Variants in IPO7 observed in about 807,000 individuals in gnomAD.
The protein encoded by IPO7 is importin 7.
In IPO7, 13 loss-of-function variants were observed where a neutral mutation model predicts 136.4. The observed-to-expected ratio is 0.10, with a 90% CI of 0.06 to 0.15. The LOEUF is 0.15. Among genes scored for constraint, IPO7 ranks in the 10% least tolerant of loss-of-function variants. The pLI, the probability that IPO7 is intolerant of heterozygous loss-of-function variation, is 1.00. For synonymous variants in IPO7, 403 were observed against 404.4 expected (o/e 1.00, Z 0.04); for missense variants, 857 against 1,240.6 (o/e 0.69, Z 4.65).
intron 1 of IPO7, among the ~76,000 whole-genome samples, chr11:9,396,466 A>G (rs539096850): frequency 6.6e-6 from 1 of 152,350 alleles, no homozygotes; most frequent in Admixed American, 6.5e-5. Flanking sequence ...CATTTAAAGT[A>G]TGCAATACAG....
intron 16 of IPO7, 55 bp downstream of exon 16, chr11:9,431,058 G>A: frequency 2.8e-6 from 4 of 1,442,994 alleles, no homozygotes; most frequent in Non-Finnish European, 3.9e-6. Flanking sequence ...CTTTTTAGAG[G>A]GCTCTAATAT....
At chr11:9,401,135 T>G (rs1225228510) in intron 1 of IPO7, among the ~76,000 whole-genome samples, 1 of 151,246 alleles carries the variant, frequency 6.6e-6, no homozygotes, top group Non-Finnish European at 1.5e-5. Context: ...GAGCCAAGAT[T>G]GCACCATTGC....
chr11:9,445,110 T>C lies in IPO7; in HGVS notation c.3033T>C (p.Ile1011=). 4 of 1,609,866 alleles carry C rather than the reference T, an allele frequency of 2.5e-6. No homozygotes were observed. The highest frequency in any genetic ancestry group is 3.4e-6 in the Non-Finnish European group (4 of 1,176,208). The part of the protein sequence containing the change: ...QRRAAHESKM[I]EKHGGYKFSA... Reference sequence around the variant, plus strand: ...TTTGTTTTCTAGAATCCAAAATGATTGAGAAGCATGGAGGATACAAATTCA... The same window carrying C: ...TTTGTTTTCTAGAATCCAAAATGATCGAGAAGCATGGAGGATACAAATTCA... Residue 1011 remains isoleucine, a synonymous_variant, in exon 25 of 25, where the codon ATT becomes ATC. Coordinates refer to ENST00000379719, the MANE Select transcript of IPO7 (RefSeq NM_006391.3).
At chr11:9,403,529 T>C (rs1854831179) in intron 2 of IPO7, 158 bp downstream of exon 2, 16 of 570,150 alleles carry the variant, frequency 2.8e-5, no homozygotes, top group South Asian at 2.4e-4. Flanking sequence ...TACCTTGATA[T>C]CTGGTGGCAG....
chr11:9,422,222 T>C (rs947832348), intron 8 of IPO7, among the ~76,000 whole-genome samples: 1 of 152,008 alleles, frequency 6.6e-6, no homozygotes, highest in Admixed American at 6.6e-5. Context: ...GAGTTTGCGG[T>C]GGGCCGAGAT....
At position 9,445,722 on chromosome 11, in the gene IPO7, T is replaced by C. The variant is rs1855518720; in HGVS notation, c.*528T>C. 6.6e-6 allele frequency: 1 copy of C among 152,644 alleles called. No homozygotes were observed. Among genetic ancestry groups the C allele is most frequent in the African/African-American group, 2.4e-5 (1 of 41,458 alleles). 9.5% of individuals were successfully genotyped at this position (152,644 alleles called of 1,614,324 possible). ...CCTTATTCAGTCTTCATCATTTTCA[T>C]CATTGTTCCTATGTAGATTATTGGA... On this transcript the variant is annotated 3_prime_UTR_variant, in exon 25 of 25. Transcript: ENST00000379719.
chr11:9,406,892 A>G (rs1201900600), intron 2 of IPO7, among the ~76,000 whole-genome samples: 1 of 152,076 alleles, frequency 6.6e-6, no homozygotes, highest in Non-Finnish European at 1.5e-5. Flanking sequence ...AAAAAAAATT[A>G]TGTTCTTGGA....
chr11:9,398,141 C>G (rs1302464490), intron 1 of IPO7, among the ~76,000 whole-genome samples: 1 of 152,042 alleles, frequency 6.6e-6, no homozygotes, highest in Non-Finnish European at 1.5e-5. Flanking sequence ...ACCTTTCTCA[C>G]TCTACACTGC....
rs55826490 is a variant in IPO7 at position 9,429,538 on chromosome 11, A to C, written c.1592-136A>C. 2.6e-4 allele frequency: 135 copies of C among 527,238 alleles called. 1 individual carries two copies. The highest frequency in any genetic ancestry group is 2.0e-3 in the Admixed American group (53 of 26,110). The allele number at this position is 527,238 out of a possible 1,614,324, so 32.7% of individuals were successfully genotyped here. ...ATATATATATATATTAATTGTAAAAAGCCATAATCCTAGAAACTTGGCATA... is the reference window on the plus strand; with the variant it reads ...ATATATATATATATTAATTGTAAAACGCCATAATCCTAGAAACTTGGCATA... On this transcript the variant is annotated intron_variant, in intron 14 of 24. Coordinates refer to ENST00000379719, the MANE Select transcript of IPO7 (RefSeq NM_006391.3).
In IPO7 at chr11:9,409,907, CT is replaced by C; in HGVS notation, c.321-20del. Reference sequence around the variant, plus strand: ...TTACCTAGTTAGGATTTTTTCCTTACTGTTTTTTTTTGGCTTCCAGGGTACA... The same window carrying C: ...TTACCTAGTTAGGATTTTTTCCTTACGTTTTTTTTTGGCTTCCAGGGTACA... On this transcript the variant is annotated intron_variant, in intron 3 of 24. Transcript: ENST00000379719. 6.7e-7 allele frequency: 1 copy of C among 1,490,624 alleles called. No individual in the cohort carries two copies. Among genetic ancestry groups the C allele is most frequent in the Non-Finnish European group, 8.9e-7 (1 of 1,117,812 alleles). The allele number at this position is 1,490,624 out of a possible 1,614,324, so 92.3% of individuals were successfully genotyped here. A position where few individuals can be genotyped will look rare whatever the true frequency, so the allele number is the denominator to read the frequency against.
At chr11:9,416,050 G>T (rs1228229847) in intron 5 of IPO7, among the ~76,000 whole-genome samples, 1 of 152,060 alleles carries the variant, frequency 6.6e-6, no homozygotes, top group East Asian at 1.9e-4. Context: ...TCAGAGCCAG[G>T]CACAGTGGCT....
At chr11:9,416,971 T>C in intron 5 of IPO7, 88 bp from the exon 6 acceptor site, 1 of 584,382 alleles carries the variant, frequency 1.7e-6, no homozygotes, top group Non-Finnish European at 3.1e-6. Context: ...TTGAATGAAA[T>C]ACTTTTGGTA....
At chr11:9,404,802 G>A (rs1338130990) in intron 2 of IPO7, among the ~76,000 whole-genome samples, 1 of 152,082 alleles carries the variant, frequency 6.6e-6, no homozygotes, top group Non-Finnish European at 1.5e-5. Flanking sequence ...TGCTGACCTC[G>A]TGATCTGCCT....
At chr11:9,442,309 T>C (rs1430073723) in intron 24 of IPO7, 112 bp downstream of exon 24, 2 of 523,156 alleles carry the variant, frequency 3.8e-6, no homozygotes, top group Non-Finnish European at 6.9e-6. Context: ...ATATAAAAGG[T>C]ATAGTTGTTG....
intron 23 of IPO7, 124 bp from the exon 24 acceptor site, chr11:9,441,957 G>A: frequency 2.0e-6 from 1 of 511,798 alleles, no homozygotes; most frequent in South Asian, 3.6e-5. Context: ...AAATTATTGG[G>A]AGAATATAAA....
chr11:9,388,239 G>T (rs570273294), intron 1 of IPO7, among the ~76,000 whole-genome samples: 10 of 140,256 alleles, frequency 7.1e-5, no homozygotes, highest in Non-Finnish European at 1.1e-4. Flanking sequence ...GTGCAGTGGC[G>T]CAATATGAGC....
intron 1 of IPO7, among the ~76,000 whole-genome samples, chr11:9,398,200 T>C (rs774104902): frequency 2.0e-5 from 3 of 152,210 alleles, no homozygotes; most frequent in Non-Finnish European, 4.4e-5. Flanking sequence ...GCTCTTCCAA[T>C]TCATTCAGTG....
intron 4 of IPO7, among the ~76,000 whole-genome samples, chr11:9,411,936 G>T (rs747615188): frequency 4.2e-4 from 64 of 152,148 alleles, no homozygotes; most frequent in Non-Finnish European, 8.4e-4. Flanking sequence ...CTCTCTTAGG[G>T]TGGGTGATGG....
Position 9,384,715 on chromosome 11 carries a change from C to T in IPO7, c.-49C>T, listed in dbSNP as rs1841847885. The T allele has an allele frequency of 2.7e-6, 4 of 1,474,796 alleles. No homozygotes were observed. Among genetic ancestry groups the T allele is most frequent in the Non-Finnish European group, 3.7e-6 (4 of 1,079,626 alleles). 91.4% of individuals were successfully genotyped at this position (1,474,796 alleles called of 1,614,324 possible). ...CATGTGCGCAGTGAGTGGCGCTATT[C>T]CTGGCCCAGTAGCACCCGAGCCCCG... On this transcript the variant is annotated 5_prime_UTR_variant, in exon 1 of 25. Coordinates refer to ENST00000379719, the MANE Select transcript of IPO7 (RefSeq NM_006391.3).
Sources: allele counts gnomAD v4.1 joint callset (sites outside exome capture counted in the v4.1 genomes callset), GRCh38; gene constraint gnomAD v4.1.1; transcripts MANE v1.5; gene names NCBI Gene and HGNC (gene_info 2026-07-23, HGNC 2026-07-21).